The following PKP1 variants were observed in gnomAD, a reference collection of about 807,000 sequenced individuals.
The protein encoded by PKP1 is plakophilin-1.
In PKP1, 27 loss-of-function variants were observed where a neutral mutation model predicts 76.4. That is an observed-to-expected ratio of 0.35 (90% CI 0.26 to 0.49). The LOEUF (loss-of-function observed/expected upper bound fraction) is 0.49. PKP1 is among the 20% of genes least tolerant of loss of function. The pLI is 0.99. For missense variants in PKP1, 964 were observed against 955.2 expected, an observed-to-expected ratio of 1.01 and a Z score of -0.12; for synonymous variants, 404 against 384.2, an observed-to-expected ratio of 1.05 and a Z score of -0.60.
chr1:201,319,887 T>C, intron 6 of PKP1: 1 of 1,613,914 alleles, frequency 6.2e-7, no homozygotes, highest in Non-Finnish European at 8.5e-7. Flanking sequence ...GTGTGAGCCT[T>C]GGGATGCAGC....
At chr1:201,310,849 ACCTTG>A (rs1241367483) in intron 2 of PKP1, among the ~76,000 whole-genome samples, 1 of 152,140 alleles carries the variant, frequency 6.6e-6, no homozygotes, top group Non-Finnish European at 1.5e-5. Context: ...TGCCTTCCCC[ACCTTG>A]CCCGCTCCCC....
In PKP1 at chr1:201,316,569, A is replaced by G; in HGVS notation, c.718A>G (p.Ile240Val). The part of the protein sequence containing the change: ...RASSKICSED[I>V]ECSGLTIPKA... ...TCTTCACAGGATCTGCAGTGAGGAC[A>G]TCGAGTGCAGTGGGCTGACCATCCC... The change falls in exon 4 of 14, where the codon ATC (isoleucine) becomes GTC (valine). Residue 240 changes from isoleucine to valine, a missense_variant. By Grantham distance (29) the Ile-to-Val change is conservative. Transcript: ENST00000367324. 6.2e-7 allele frequency: 1 copy of G among 1,609,348 alleles called. No individual in the cohort carries two copies. Among genetic ancestry groups the G allele is most frequent in the Middle Eastern group, 1.7e-4 (1 of 5,940 alleles).
chr1:201,311,123 G>A (rs1452681764), intron 2 of PKP1, among the ~76,000 whole-genome samples: 1 of 152,250 alleles, frequency 6.6e-6, no homozygotes, highest in Non-Finnish European at 1.5e-5. Flanking sequence ...TTAAGGCTTA[G>A]CTGGCTCTTT....
chr1:201,323,055 C>T lies in PKP1; in HGVS notation c.1546C>T (p.Pro516Ser), dbSNP rs755963789. 2 of 1,614,152 alleles carry T rather than the reference C, an allele frequency of 1.2e-6. No individual in the cohort carries two copies. Among genetic ancestry groups the T allele is most frequent in the East Asian group, 2.2e-5 (1 of 44,878 alleles). The change falls in exon 9 of 14, where the codon CCC becomes TCC. Residue 516 changes from proline (P) to serine (S), a missense_variant. Pro to Ser is a moderately conservative substitution (Grantham distance 74, BLOSUM62 -1). Transcript: ENST00000367324. ...CCCCCTGCCTGAGGAAGAGACCAAC[C>T]CCAAGGGCAGCGGCTGGTTGTACCA... is the stretch of plus-strand genomic sequence containing the variant. ...DCPLPEEETN[P>S]KGSGWLYHSD...
chr1:201,321,785 A>G (rs1186099562), intron 7 of PKP1, among the ~76,000 whole-genome samples, 193 bp from the exon 8 acceptor site: 1 of 152,210 alleles, frequency 6.6e-6, no homozygotes, highest in African/African-American at 2.4e-5. Context: ...CAGCCAGGAA[A>G]TGACAGATTC....
At chr1:201,310,749 A>T (rs989816894) in intron 2 of PKP1, among the ~76,000 whole-genome samples, 1 of 152,194 alleles carries the variant, frequency 6.6e-6, no homozygotes, top group Admixed American at 6.5e-5. Context: ...TGACACTAGG[A>T]GCTGGGGTGG....
rs1417306957 is a variant in PKP1 at position 201,318,748 on chromosome 1, G to A, written c.1185G>A (p.Arg395=). Residue 395 remains arginine, a synonymous_variant, in exon 6 of 14, where the codon CGG becomes CGA. Transcript: ENST00000367324. ...GCGATGGCAATAGCAACATGTCCCGGGAAGTGGTGGACCCTGAGGTCTTCT... is the reference window on the plus strand; with the variant it reads ...GCGATGGCAATAGCAACATGTCCCGAGAAGTGGTGGACCCTGAGGTCTTCT... ...GWCDGNSNMS[R]EVVDPEVFFN... is the part of the protein sequence containing the mutation. The A allele has an allele frequency of 6.2e-7, 1 of 1,611,156 alleles. No homozygotes were observed. Among genetic ancestry groups the A allele is most frequent in the Non-Finnish European group, 8.5e-7 (1 of 1,179,444 alleles).
At chr1:201,290,801 A>T (rs1041004590) in intron 1 of PKP1, among the ~76,000 whole-genome samples, 9 of 152,202 alleles carry the variant, frequency 5.9e-5, no homozygotes, top group African/African-American at 2.2e-4. Flanking sequence ...GAGTGTCCAA[A>T]GTACATGGTG....
intron 1 of PKP1, among the ~76,000 whole-genome samples, chr1:201,292,940 T>G (rs1388637678): frequency 1.3e-5 from 2 of 152,122 alleles, no homozygotes; most frequent in Non-Finnish European, 2.9e-5. Context: ...CAGGACAGTA[T>G]GTGTTTAGAG....
chr1:201,305,924 C>T (rs1373511938), intron 2 of PKP1, among the ~76,000 whole-genome samples: 1 of 152,186 alleles, frequency 6.6e-6, no homozygotes, highest in African/African-American at 2.4e-5. Flanking sequence ...GCTATGACCT[C>T]AGAACATGGA....
chr1:201,318,487 C>T (rs1656835531), intron 5 of PKP1, 131 bp from the exon 6 acceptor site: 1 of 759,456 alleles, frequency 1.3e-6, no homozygotes, highest in Non-Finnish European at 2.3e-6. Context: ...ATAGGTTCTA[C>T]AGACCAGGGC....
At position 201,318,787 on chromosome 1, in the gene PKP1, C is replaced by A; in HGVS notation, c.1224C>A (p.Gly408=). 6.2e-7 allele frequency: 1 copy of A among 1,602,366 alleles called. No individual in the cohort carries two copies. Among genetic ancestry groups the A allele is most frequent in the Non-Finnish European group, 8.5e-7 (1 of 1,175,018 alleles). ...CTGAGGTCTTCTTCAATGCCACAGG[C>A]TGCTTGAGGTGAGAGAAGAGGATAC... is the stretch of plus-strand genomic sequence containing the variant. ...VDPEVFFNAT[G]CLRNLSSADA... is the part of the protein sequence containing the mutation. The change falls in exon 6 of 14, where the codon GGC becomes GGA. Residue 408 remains glycine (G), a synonymous_variant. Transcript: ENST00000367324.
At chr1:201,316,357 G>A in intron 3 of PKP1, 196 bp from the exon 4 acceptor site, 1 of 603,038 alleles carries the variant, frequency 1.7e-6, no homozygotes, top group Non-Finnish European at 3.0e-6. Flanking sequence ...CAAATCCAGT[G>A]GGTGTAGCCT....
chr1:201,323,573 C>T (rs1657013733), intron 9 of PKP1, among the ~76,000 whole-genome samples: 1 of 152,114 alleles, frequency 6.6e-6, no homozygotes, highest in South Asian at 2.1e-4. Context: ...GGTTTGGGGT[C>T]CAAGCAGGTC....
At position 201,316,449 on chromosome 1, in the gene PKP1, G is replaced by A. The variant is rs990794947; in HGVS notation, c.702-104G>A. On this transcript the variant is annotated intron_variant, in intron 3 of 13. Coordinates refer to ENST00000367324, the MANE Select transcript of PKP1 (RefSeq NM_001005337.3). ...CTGCCTTGTTCTGGCTCTCCAGAGG[G>A]CAGATGAGGCTGTGGCAGCTTAGTG... The A allele has an allele frequency of 4.5e-5, 55 of 1,235,428 alleles. No individual in the cohort carries two copies. The African/African-American group carries it at 7.3e-4, about 16-fold the overall frequency. 76.5% of individuals were successfully genotyped at this position (1,235,428 alleles called of 1,614,324 possible).
chr1:201,319,136 T>C (rs1373586443), intron 6 of PKP1, among the ~76,000 whole-genome samples: 1 of 152,144 alleles, frequency 6.6e-6, no homozygotes, highest in Non-Finnish European at 1.5e-5. Context: ...TCTTGAAGAG[T>C]GTTCTTTTAG....
chr1:201,306,443 T>C (rs1656369476), intron 2 of PKP1, among the ~76,000 whole-genome samples: 2 of 152,252 alleles, frequency 1.3e-5, no homozygotes, highest in African/African-American at 4.8e-5. Flanking sequence ...TATCCCAGAA[T>C]TGTGGCCTCA....
chr1:201,323,510 T>C (rs1414257589), intron 9 of PKP1, among the ~76,000 whole-genome samples: 2 of 151,956 alleles, frequency 1.3e-5, no homozygotes, highest in Admixed American at 6.6e-5. Context: ...GCGGAGAAGG[T>C]GTTTGGCAAA....
intron 2 of PKP1, among the ~76,000 whole-genome samples, chr1:201,302,394 C>G (rs1275476496): frequency 6.6e-6 from 1 of 152,118 alleles, no homozygotes; most frequent in Non-Finnish European, 1.5e-5. Flanking sequence ...GTGGGCCAAG[C>G]CTCTCCTGCT....
Sources: allele counts gnomAD v4.1 joint callset (sites outside exome capture counted in the v4.1 genomes callset), GRCh38; gene constraint gnomAD v4.1.1; transcripts MANE v1.5; gene names NCBI Gene and HGNC (gene_info 2026-07-23, HGNC 2026-07-21).